The following ZNF717 variants were observed in gnomAD, a reference collection of about 807,000 sequenced individuals.
ZNF717 encodes the protein zinc finger protein 717, also known as krueppel-like factor X17.
In ZNF717, 9 loss-of-function variants were observed where a neutral mutation model predicts 13.8. The observed-to-expected ratio is 0.65, with a 90% CI of 0.39 to 1.14. The LOEUF (loss-of-function observed/expected upper bound fraction) is 1.14. Among genes scored for constraint, ZNF717 ranks in the 50% most tolerant of loss-of-function variants. ZNF717 has a pLI of 0.01. For synonymous variants in ZNF717, 327 were observed against 364.1 expected (o/e 0.90, Z 1.16); for missense variants, 1,040 against 1,080.7 (o/e 0.96, Z 0.53).
chr3:75,758,042 C>T (rs979322079), intron 2 of ZNF717, among the ~76,000 whole-genome samples: 6 of 139,676 alleles, frequency 4.3e-5, no homozygotes, highest in African/African-American at 7.9e-5. Context: ...TGCTTGAACT[C>T]GGGAGGCGCA....
At chr3:75,757,950 T>TAA (rs559373448) in intron 2 of ZNF717, among the ~76,000 whole-genome samples, 126 of 133,842 alleles carry the variant, frequency 9.4e-4, no homozygotes, top group Middle Eastern at 3.9e-3. Flanking sequence ...CTGTCTCTAC[T>TAA]AAAAAAAAAA....
chr3:75,780,184 A>C (rs533590333), intron 2 of ZNF717, among the ~76,000 whole-genome samples: 9 of 152,110 alleles, frequency 5.9e-5, no homozygotes, highest in African/African-American at 2.2e-4. Context: ...ACTGGAACCC[A>C]AAACAATGGG....
intron 2 of ZNF717, among the ~76,000 whole-genome samples, chr3:75,751,280 G>C (rs1575833187): frequency 6.6e-6 from 1 of 151,464 alleles, no homozygotes; most frequent in Non-Finnish European, 1.5e-5. Context: ...ACCCCATGTA[G>C]TACTCAAGAA....
intron 2 of ZNF717, among the ~76,000 whole-genome samples, chr3:75,767,183 C>T (rs12493900): frequency 0.075 from 11,293 of 151,474 alleles, 317 homozygotes; most frequent in African/African-American, 0.16. Context: ...GGAAACCATA[C>T]GGCCAGTCCA....
intron 4 of ZNF717, among the ~76,000 whole-genome samples, chr3:75,739,977 CCT>C (rs1553663520): frequency 6.6e-6 from 1 of 152,232 alleles, no homozygotes; most frequent in African/African-American, 2.4e-5. Flanking sequence ...CATGACATCC[CCT>C]GCTTCCCAGA....
intron 2 of ZNF717, among the ~76,000 whole-genome samples, chr3:75,772,068 G>A (rs1943936726): frequency 2.0e-5 from 3 of 152,376 alleles, no homozygotes; most frequent in South Asian, 4.1e-4. Flanking sequence ...GCTAAGGATG[G>A]CTCAGCACTG....
intron 2 of ZNF717, among the ~76,000 whole-genome samples, chr3:75,777,398 G>A (rs1450187414): frequency 1.3e-4 from 20 of 151,356 alleles, no homozygotes; most frequent in African/African-American, 4.6e-4. Flanking sequence ...CAATGGGAGT[G>A]ATGTGCTAAA....
At chr3:75,734,809 ATATATATATTTT>A (rs1351536122), downstream of ZNF717, among the ~76,000 whole-genome samples, 2 of 17,442 alleles carry the variant, frequency 1.1e-4, no homozygotes, top group Non-Finnish European at 2.5e-4. Flanking sequence ...ATATATATAT[ATATATATATTTT>A]TTTTTTTTTT....
chr3:75,770,854 C>T (rs192345659), intron 2 of ZNF717, among the ~76,000 whole-genome samples: 4 of 152,196 alleles, frequency 2.6e-5, no homozygotes, highest in African/African-American at 9.6e-5. Flanking sequence ...GACTGCAAAC[C>T]ACAAAGGGCT....
downstream of ZNF717, among the ~76,000 whole-genome samples, chr3:75,734,408 G>C (rs770564789): frequency 2.2e-5 from 3 of 138,370 alleles, no homozygotes; most frequent in Non-Finnish European, 4.6e-5. Flanking sequence ...GAAGGAATAA[G>C]TGGTGGTAAA....
chr3:75,783,937 C>T (rs1467287051), intron 1 of ZNF717, among the ~76,000 whole-genome samples: 1 of 152,150 alleles, frequency 6.6e-6, no homozygotes, highest in African/African-American at 2.4e-5. Context: ...AACACCTTTC[C>T]CTGTATCCAA....
chr3:75,744,874 C>T (rs1940967529), intron 2 of ZNF717, among the ~76,000 whole-genome samples: 1 of 152,192 alleles, frequency 6.6e-6, no homozygotes, highest in African/African-American at 2.4e-5. Context: ...GACTAAATAA[C>T]CTAGGGGAAG....
At chr3:75,783,116 T>C (rs898280093) in intron 2 of ZNF717, among the ~76,000 whole-genome samples, 190 bp downstream of exon 2, 9 of 152,190 alleles carry the variant, frequency 5.9e-5, no homozygotes, top group Non-Finnish European at 1.3e-4. Context: ...CAGAGGAAAA[T>C]TTGCACTCAA....
At chr3:75,765,035 A>ATATATATATGTGTGTG (rs1559662069) in intron 2 of ZNF717, among the ~76,000 whole-genome samples, 1 of 81,800 alleles carries the variant, frequency 1.2e-5, no homozygotes, top group African/African-American at 4.1e-5. Flanking sequence ...ATATATGTAT[A>ATATATATATGTGTGTG]TGTGTGTGTG....
At chr3:75,697,247 TTTTA>T (rs1293674718) in intron 6 of ZNF717, among the ~76,000 whole-genome samples, 42 of 136,750 alleles carry the variant, frequency 3.1e-4, no homozygotes, top group African/African-American at 1.0e-3. Context: ...ATCTTTTTTT[TTTTA>T]CCAATGATAT....
At chr3:75,715,209 T>C (rs1320795717) in intron 5 of ZNF717, among the ~76,000 whole-genome samples, 1 of 152,190 alleles carries the variant, frequency 6.6e-6, no homozygotes, top group Admixed American at 6.5e-5. Context: ...TAGGGTTATA[T>C]TTTCAATGTT....
rs1942370038 is a variant in ZNF717 at position 75,755,254 on chromosome 3, T to A, written c.58-13518A>T. 2.0e-5 allele frequency among the ~76,000 whole-genome samples: 3 copies of A among 152,258 alleles called. No individual in the cohort carries two copies. The South Asian group carries it at 6.2e-4, about 31-fold the overall frequency. On this transcript the variant is annotated intron_variant, in intron 2 of 4. Transcript: ENST00000652011. ...AACTGAAACCTGGATCAACATTTTTTTAAAAAGAGCATTAAAGAAAGAATT... is the reference window on the plus strand; with the variant it reads ...AACTGAAACCTGGATCAACATTTTTATAAAAAGAGCATTAAAGAAAGAATT...
At chr3:75,777,033 T>A (rs1289933836) in intron 2 of ZNF717, among the ~76,000 whole-genome samples, 1 of 152,232 alleles carries the variant, frequency 6.6e-6, no homozygotes, top group Non-Finnish European at 1.5e-5. Context: ...ATCCCAGTAG[T>A]CGTAAGAGTC....
chr3:75,782,614 T>C (rs1171137686), intron 2 of ZNF717, among the ~76,000 whole-genome samples: 1 of 150,878 alleles, frequency 6.6e-6, no homozygotes, highest in African/African-American at 2.4e-5. Context: ...TACCTTATGA[T>C]GGAAGCTGTG....
Sources: allele counts gnomAD v4.1 joint callset (sites outside exome capture counted in the v4.1 genomes callset), GRCh38; gene constraint gnomAD v4.1.1; transcripts MANE v1.5; gene names NCBI Gene and HGNC (gene_info 2026-07-23, HGNC 2026-07-21).